SNX13: variants seen among roughly 807,000 people sequenced by gnomAD.
SNX13 encodes sorting nexin 13.
In SNX13, 45 loss-of-function variants were observed where a neutral mutation model predicts 133.6. That is an observed-to-expected ratio of 0.34 (90% CI 0.27 to 0.43). SNX13 has a LOEUF of 0.43. Among genes scored for constraint, SNX13 ranks in the 20% least tolerant of loss-of-function variants. SNX13 has a pLI of 1.00. For missense variants in SNX13, 1,032 were observed against 1,145.1 expected (o/e 0.90, Z 1.43); for synonymous variants, 414 against 373.9 (o/e 1.11, Z -1.24).
chr7:17,858,919 T>A (rs551552033), intron 9 of SNX13, among the ~76,000 whole-genome samples: 1 of 152,164 alleles, frequency 6.6e-6, no homozygotes, highest in East Asian at 1.9e-4. Context: ...ATTTTAAAAA[T>A]CAATCTAAAC....
rs1460678841 is a variant in SNX13 at position 17,790,975 on chromosome 7, T to C, written c.*3070A>G. ...TCTTTTAACAATTATAATCCTAAAATGTGCTCTTCATATTTTTTCCCTTGT... is the reference window on the plus strand; with the variant it reads ...TCTTTTAACAATTATAATCCTAAAACGTGCTCTTCATATTTTTTCCCTTGT... On this transcript the variant is annotated 3_prime_UTR_variant, in exon 26 of 26. Coordinates refer to ENST00000428135, the MANE Select transcript of SNX13 (RefSeq NM_015132.5). 6.6e-6 allele frequency: 1 copy of C among 152,014 alleles called. No homozygotes were observed. Among genetic ancestry groups the C allele is most frequent in the African/African-American group, 2.4e-5 (1 of 41,452 alleles). 9.4% of individuals were successfully genotyped at this position (152,014 alleles called of 1,614,324 possible).
chr7:17,820,358 C>T (rs1380214877), intron 18 of SNX13, among the ~76,000 whole-genome samples: 2 of 151,802 alleles, frequency 1.3e-5, no homozygotes, highest in Non-Finnish European at 2.9e-5. Context: ...TTTAAAATAT[C>T]AAACAGGTAA....
chr7:17,894,102 A>G (rs1413173810), intron 2 of SNX13, among the ~76,000 whole-genome samples: 2 of 151,964 alleles, frequency 1.3e-5, no homozygotes, highest in African/African-American at 4.8e-5. Flanking sequence ...CAGGAGATCG[A>G]GACCACCCTG....
intron 25 of SNX13, chr7:17,796,384 A>G (rs564026763): frequency 1.2e-3 from 180 of 153,472 alleles, no homozygotes; most frequent in African/African-American, 4.1e-3. Flanking sequence ...TAAGTACAAC[A>G]AATATTCTTC....
chr7:17,797,735 A>T (rs1037168316), intron 24 of SNX13, among the ~76,000 whole-genome samples: 81 of 151,806 alleles, frequency 5.3e-4, no homozygotes, highest in African/African-American at 1.8e-3. Flanking sequence ...CAAAGCTGAT[A>T]ATCACCACTC....
chr7:17,801,464 T>C, intron 22 of SNX13, 124 bp downstream of exon 22: 1 of 691,356 alleles, frequency 1.4e-6, no homozygotes, highest in East Asian at 2.8e-5. Context: ...TTTGTAAGAA[T>C]TCATCAAGCT....
At chr7:17,857,980 C>G (rs999701222) in intron 9 of SNX13, among the ~76,000 whole-genome samples, 3 of 151,962 alleles carry the variant, frequency 2.0e-5, no homozygotes, top group Non-Finnish European at 4.4e-5. Flanking sequence ...ATTCAACATG[C>G]CTTCAAAATA....
At chr7:17,926,200 A>G (rs556437046) in intron 1 of SNX13, among the ~76,000 whole-genome samples, 1 of 152,204 alleles carries the variant, frequency 6.6e-6, no homozygotes, top group East Asian at 1.9e-4. Flanking sequence ...TAACAAATCT[A>G]GGTAACTGTA....
chr7:17,856,873 C>T (rs1205990743), intron 9 of SNX13, among the ~76,000 whole-genome samples: 1 of 142,084 alleles, frequency 7.0e-6, no homozygotes, highest in Non-Finnish European at 1.6e-5. Flanking sequence ...AAAGCAATAA[C>T]AAACCAAACC....
intron 9 of SNX13, among the ~76,000 whole-genome samples, chr7:17,863,326 G>C (rs1052709394): frequency 2.0e-5 from 3 of 152,136 alleles, no homozygotes; most frequent in African/African-American, 7.2e-5. Flanking sequence ...CTTCGGGTAT[G>C]ACCCAGTGTA....
chr7:17,809,302 A>AAAAAAAC, intron 20 of SNX13, among the ~76,000 whole-genome samples: 4 of 150,810 alleles, frequency 2.7e-5, no homozygotes, highest in East Asian at 1.9e-4. Context: ...AAAAAAAAAA[A>AAAAAAAC]AAAAAGCAGG....
At chr7:17,833,937 T>C (rs1203987580) in intron 15 of SNX13, 115 bp downstream of exon 15, 1 of 695,826 alleles carries the variant, frequency 1.4e-6, no homozygotes, top group Non-Finnish European at 2.1e-6. Flanking sequence ...TTTTAATATA[T>C]TACAGTTTAT....
chr7:17,870,237 A>G (rs1200734350), intron 8 of SNX13, among the ~76,000 whole-genome samples: 3 of 152,214 alleles, frequency 2.0e-5, no homozygotes, highest in Non-Finnish European at 4.4e-5. Context: ...AGTAACGGCA[A>G]GAAAGTAGAG....
At chr7:17,803,166 A>G (rs537824269) in intron 21 of SNX13, among the ~76,000 whole-genome samples, 1 of 152,184 alleles carries the variant, frequency 6.6e-6, no homozygotes, top group African/African-American at 2.4e-5. Context: ...TAACTTTACT[A>G]ATTTTCAGTT....
At chr7:17,884,746 AT>A (rs1795786771) in intron 5 of SNX13, among the ~76,000 whole-genome samples, 1 of 152,208 alleles carries the variant, frequency 6.6e-6, no homozygotes, top group East Asian at 1.9e-4. Flanking sequence ...AAATATACAA[AT>A]GACCAATAAG....
intron 12 of SNX13, among the ~76,000 whole-genome samples, chr7:17,841,145 G>A (rs995132398): frequency 1.3e-5 from 2 of 151,964 alleles, no homozygotes; most frequent in African/African-American, 2.4e-5. Flanking sequence ...AAGAGGTGCA[G>A]ACAAATAGGC....
At chr7:17,820,333 T>C (rs966024929) in intron 18 of SNX13, among the ~76,000 whole-genome samples, 5 of 152,122 alleles carry the variant, frequency 3.3e-5, no homozygotes, top group Admixed American at 3.3e-4. Context: ...TAAAAAGATA[T>C]ATGAGCTATA....
At chr7:17,801,555 A>C in intron 22 of SNX13, 33 bp downstream of exon 22, 1 of 1,552,936 alleles carries the variant, frequency 6.4e-7, no homozygotes, top group Non-Finnish European at 8.8e-7. Flanking sequence ...GTATGACTTA[A>C]ACTAAATACT....
At chr7:17,872,104 T>C (rs981970391) in intron 8 of SNX13, among the ~76,000 whole-genome samples, 7 of 152,196 alleles carry the variant, frequency 4.6e-5, no homozygotes, top group African/African-American at 1.7e-4. Context: ...AAGGTAAATC[T>C]GAAATAAAGC....
Sources: gnomAD v4.1 joint callset for allele counts (sites outside exome capture counted in the v4.1 genomes callset) on GRCh38, gnomAD v4.1.1 for gene constraint, MANE v1.5 for transcripts, NCBI Gene and HGNC (gene_info 2026-07-23, HGNC 2026-07-21) for gene names.